STPG2: variants seen among roughly 807,000 people sequenced by gnomAD.
STPG2 encodes sperm-tail PG-rich repeat-containing protein 2.
A neutral mutation model predicts 54.2 loss-of-function variants in STPG2; 56 were observed. The observed-to-expected ratio is 1.03, with a 90% confidence interval of 0.83 to 1.29. The LOEUF is 1.29. Ranked by LOEUF, STPG2 falls within the 50% of genes most tolerant of loss-of-function variation. The pLI, the probability that STPG2 is intolerant of heterozygous loss-of-function variation, is 0.00. For synonymous variants in STPG2, 200 were observed against 181.8 expected (o/e 1.10, Z -0.81); for missense variants, 596 against 544.9 (o/e 1.09, Z -0.93).
chr4:97,936,993 C>T (rs1732767746), intron 8 of STPG2, among the ~76,000 whole-genome samples: 1 of 152,002 alleles, frequency 6.6e-6, no homozygotes, highest in Admixed American at 6.6e-5. Flanking sequence ...GTTCATTCTC[C>T]CTTTCTCTTT....
intron 5 of STPG2, among the ~76,000 whole-genome samples, chr4:98,055,726 A>C (rs894244797): frequency 2.6e-5 from 4 of 152,184 alleles, no homozygotes; most frequent in African/African-American, 9.7e-5. Context: ...TGCTCCCATA[A>C]GAGACTTTAG....
At chr4:97,526,541 ATTTG>A (rs1222340041) in intron 4 of STPG2, among the ~76,000 whole-genome samples, 1 of 151,918 alleles carries the variant, frequency 6.6e-6, no homozygotes, top group South Asian at 2.1e-4. Context: ...TTTCTTGTAA[ATTTG>A]TTTAAGTTCC....
At chr4:97,750,236 A>C (rs1230391720) in intron 9 of STPG2, among the ~76,000 whole-genome samples, 5 of 151,714 alleles carry the variant, frequency 3.3e-5, no homozygotes, top group African/African-American at 4.8e-5. Context: ...ATCAGTTTCT[A>C]CTCACCAGCA....
At chr4:97,591,882 A>G (rs1198864112) in intron 10 of STPG2, among the ~76,000 whole-genome samples, 2 of 152,306 alleles carry the variant, frequency 1.3e-5, no homozygotes, top group African/African-American at 2.4e-5. Context: ...GCTAAAAAAT[A>G]TGCTCTTAAC....
chr4:97,507,811 A>G (rs1387727790), intron 4 of STPG2, among the ~76,000 whole-genome samples: 1 of 152,034 alleles, frequency 6.6e-6, no homozygotes, highest in African/African-American at 2.4e-5. Context: ...CTTCCCCACA[A>G]AGAGTCAGGG....
intron 4 of STPG2, among the ~76,000 whole-genome samples, chr4:98,108,403 T>C (rs1454653646): frequency 2.0e-5 from 3 of 152,156 alleles, no homozygotes; most frequent in African/African-American, 7.2e-5. Flanking sequence ...CAATTTTGCC[T>C]TCCATGAACT....
At chr4:97,467,010 AGTGACATTTTT>A (rs1729804146) in intron 4 of STPG2, among the ~76,000 whole-genome samples, 1 of 152,050 alleles carries the variant, frequency 6.6e-6, no homozygotes, top group East Asian at 1.9e-4. Context: ...TTAACATTTT[AGTGACATTTTT>A]AAAAAGTTCA....
At chr4:98,084,401 T>C (rs1356688372) in intron 5 of STPG2, among the ~76,000 whole-genome samples, 1 of 152,198 alleles carries the variant, frequency 6.6e-6, no homozygotes, top group Non-Finnish European at 1.5e-5. Context: ...ATAGTCATAA[T>C]AACAAATAAA....
intron 10 of STPG2, among the ~76,000 whole-genome samples, chr4:97,645,217 A>T (rs574964990): frequency 2.0e-5 from 3 of 150,858 alleles, no homozygotes; most frequent in African/African-American, 7.3e-5. Flanking sequence ...TTATAGCTAC[A>T]GTTTAAAAAA....
At chr4:98,135,500 A>T (rs1740111764) in intron 1 of STPG2, among the ~76,000 whole-genome samples, 1 of 151,814 alleles carries the variant, frequency 6.6e-6, no homozygotes, top group South Asian at 2.1e-4. Context: ...AAAAGGAAAA[A>T]CATCTCTAAT....
At chr4:97,690,045 C>CA (rs1180145594) in intron 10 of STPG2, among the ~76,000 whole-genome samples, 5 of 152,090 alleles carry the variant, frequency 3.3e-5, no homozygotes, top group Non-Finnish European at 4.4e-5. Context: ...ACACTTTAAG[C>CA]ATATTTAAAT....
intron 10 of STPG2, among the ~76,000 whole-genome samples, chr4:97,573,436 G>A (rs1732648336): frequency 6.6e-6 from 1 of 151,966 alleles, no homozygotes; most frequent in African/African-American, 2.4e-5. Context: ...AAATCACCAT[G>A]TGTGAAATCT....
At chr4:97,724,208 C>CT in intron 9 of STPG2, among the ~76,000 whole-genome samples, 1 of 151,980 alleles carries the variant, frequency 6.6e-6, no homozygotes, top group Non-Finnish European at 1.5e-5. Context: ...TTCTCTATTC[C>CT]TTTTTTTAAG....
chr4:98,015,941 G>T (rs1278899502), intron 5 of STPG2, among the ~76,000 whole-genome samples: 1 of 152,070 alleles, frequency 6.6e-6, no homozygotes, highest in Non-Finnish European at 1.5e-5. Context: ...ATTATTCTCA[G>T]CAAACTAACA....
intron 10 of STPG2, among the ~76,000 whole-genome samples, chr4:97,644,777 G>A (rs1187069521): frequency 2.6e-5 from 4 of 152,000 alleles, no homozygotes; most frequent in Non-Finnish European, 4.4e-5. Flanking sequence ...TAACAGACCA[G>A]TAACATATCC....
intron 10 of STPG2, among the ~76,000 whole-genome samples, chr4:97,705,429 G>A (rs947697605): frequency 6.6e-6 from 1 of 151,782 alleles, no homozygotes; most frequent in Non-Finnish European, 1.5e-5. Context: ...AAGTTCAAGC[G>A]ATCCTCGTGT....
intron 9 of STPG2, among the ~76,000 whole-genome samples, chr4:97,725,000 C>A (rs1206361398): frequency 6.6e-6 from 1 of 152,034 alleles, no homozygotes; most frequent in Non-Finnish European, 1.5e-5. Context: ...TGACTCAAAT[C>A]CTGTTGATTT....
chr4:97,934,672 C>T lies in STPG2; in HGVS notation c.1044+9225G>A, dbSNP rs192546116. On this transcript the variant is annotated intron_variant, in intron 8 of 10. Transcript: ENST00000295268. ...GTGATGAATTACACTTAATGTTTTG[C>T]GTATGTTGAACCAGCCCTGAATCCC... Among the ~76,000 whole-genome samples the T allele has an allele frequency of 4.2e-3, 644 of 152,142 alleles. 3 individuals carry two copies. Among genetic ancestry groups the T allele is most frequent in the South Asian group, 0.024 (116 of 4,816 alleles).
chr4:97,910,957 T>C (rs1731654669), intron 8 of STPG2, among the ~76,000 whole-genome samples: 1 of 151,976 alleles, frequency 6.6e-6, no homozygotes, highest in Admixed American at 6.6e-5. Context: ...GTATCCAGGT[T>C]CTCGTTTGGT....
Sources: gnomAD v4.1 joint callset for allele counts (sites outside exome capture counted in the v4.1 genomes callset) on GRCh38, gnomAD v4.1.1 for gene constraint, MANE v1.5 for transcripts, NCBI Gene and HGNC (gene_info 2026-07-23, HGNC 2026-07-21) for gene names.